Variants in MAML2 observed in about 807,000 individuals in gnomAD.
MAML2 encodes mastermind-like protein 2.
In MAML2, 22 loss-of-function variants were observed where a neutral mutation model predicts 96.1. The ratio of observed to expected loss-of-function variants is 0.23; its 90% CI spans 0.16 to 0.33. The LOEUF (loss-of-function observed/expected upper bound fraction) is 0.33, where lower values mean the gene tolerates loss of function less well. Ranked by LOEUF, MAML2 falls within the 10% of genes least tolerant of loss-of-function variation. The pLI, the probability that MAML2 is intolerant of heterozygous loss-of-function variation, is 1.00. For synonymous variants in MAML2, 561 were observed against 521.3 expected, an observed-to-expected ratio of 1.08 and a Z score of -1.04; for missense variants, 1,367 against 1,392.4, an observed-to-expected ratio of 0.98 and a Z score of 0.29.
At chr11:96,263,523 G>A (rs1028524409) in intron 1 of MAML2, among the ~76,000 whole-genome samples, 1 of 152,208 alleles carries the variant, frequency 6.6e-6, no homozygotes, top group Non-Finnish European at 1.5e-5. Context: ...GTCACACATA[G>A]CACCTTAAAA....
intron 1 of MAML2, among the ~76,000 whole-genome samples, chr11:96,253,127 G>T (rs947804934): frequency 5.3e-5 from 8 of 152,076 alleles, no homozygotes; most frequent in African/African-American, 1.9e-4. Context: ...GCTCAACAGA[G>T]GAAAGAGATT....
intron 1 of MAML2, among the ~76,000 whole-genome samples, chr11:96,185,187 G>A (rs1861554653): frequency 6.7e-6 from 1 of 148,278 alleles, no homozygotes; most frequent in Non-Finnish European, 1.5e-5. Context: ...ACAAAACTCA[G>A]GACAAAACTC....
intron 1 of MAML2, among the ~76,000 whole-genome samples, chr11:96,334,554 T>C (rs1387776437): frequency 1.3e-5 from 2 of 152,312 alleles, no homozygotes; most frequent in East Asian, 3.9e-4. Context: ...TTTGCCTCCT[T>C]ACACAAGCCA....
chr11:96,313,969 G>A (rs1393922811), intron 1 of MAML2, among the ~76,000 whole-genome samples: 3 of 152,220 alleles, frequency 2.0e-5, no homozygotes, highest in Admixed American at 6.5e-5. Flanking sequence ...TACATCCCGT[G>A]AAGTAGCTTG....
Position 96,043,827 on chromosome 11 carries a change from A to T in MAML2, c.2139+48065T>A, listed in dbSNP as rs929450622. 3.3e-5 allele frequency among the ~76,000 whole-genome samples: 5 copies of T among 152,364 alleles called. No homozygotes were observed. In the South Asian group the frequency reaches 6.2e-4, roughly 19 times the overall value. On this transcript the variant is annotated intron_variant, in intron 2 of 4. Coordinates refer to ENST00000524717, the MANE Select transcript of MAML2 (RefSeq NM_032427.4). ...TCAGTTGAAAGGATTAGAAAAACACACAGTAACTATCCTACTAAGAAGAAA... is the reference window on the plus strand; with the variant it reads ...TCAGTTGAAAGGATTAGAAAAACACTCAGTAACTATCCTACTAAGAAGAAA...
chr11:95,995,305 G>T (rs2135713018), intron 2 of MAML2, among the ~76,000 whole-genome samples: 2 of 152,228 alleles, frequency 1.3e-5, no homozygotes, highest in South Asian at 4.1e-4. Context: ...GATGGGTGGG[G>T]TATCATTCTC....
chr11:96,175,038 C>G (rs1380039488), intron 1 of MAML2, among the ~76,000 whole-genome samples: 1 of 152,174 alleles, frequency 6.6e-6, no homozygotes, highest in South Asian at 2.1e-4. Context: ...ACACAAGCAA[C>G]GTTAAGCAAA....
At chr11:96,206,926 A>G (rs1861903953) in intron 1 of MAML2, among the ~76,000 whole-genome samples, 1 of 152,224 alleles carries the variant, frequency 6.6e-6, no homozygotes. Context: ...AATAAAAAAC[A>G]AAAGTTATAT....
At chr11:96,193,184 T>G (rs1861680473) in intron 1 of MAML2, among the ~76,000 whole-genome samples, 1 of 152,148 alleles carries the variant, frequency 6.6e-6, no homozygotes, top group Non-Finnish European at 1.5e-5. Flanking sequence ...CTGACCAATA[T>G]GGTGAAACCC....
chr11:96,096,335 T>C (rs1427469303), intron 1 of MAML2, among the ~76,000 whole-genome samples: 1 of 152,206 alleles, frequency 6.6e-6, no homozygotes, highest in East Asian at 1.9e-4. Context: ...TAATGAGTCA[T>C]TTATTGAAGG....
chr11:96,039,761 A>G (rs1411923292), intron 2 of MAML2, among the ~76,000 whole-genome samples: 38 of 152,102 alleles, frequency 2.5e-4, no homozygotes, highest in Admixed American at 2.1e-3. Context: ...CCTGGCTAAC[A>G]TGGTGAAACC....
intron 2 of MAML2, among the ~76,000 whole-genome samples, chr11:96,044,534 C>A (rs1330055867): frequency 2.0e-5 from 3 of 152,108 alleles, no homozygotes; most frequent in African/African-American, 7.2e-5. Context: ...AACACAAATA[C>A]CCTAGGAGAA....
intron 2 of MAML2, among the ~76,000 whole-genome samples, chr11:96,040,204 T>C (rs777046274): frequency 1.3e-5 from 2 of 152,184 alleles, no homozygotes; most frequent in Non-Finnish European, 1.5e-5. Context: ...AATCCTGGCA[T>C]TCATAGAACT....
At position 96,231,765 on chromosome 11, in the gene MAML2, T is replaced by A. The variant is rs552706255; in HGVS notation, c.513+109618A>T. 2.6e-5 allele frequency among the ~76,000 whole-genome samples: 4 copies of A among 152,306 alleles called. No homozygotes were observed. The South Asian group carries it at 6.2e-4, about 24-fold the overall frequency. The stretch of plus-strand genomic sequence containing the variant: ...GCAGTCAAGGAAGCACTGTCCACTA[T>A]CCAAGCTCATCGTACAGAAGGACAC... On this transcript the variant is annotated intron_variant, in intron 1 of 4. Transcript: ENST00000524717.
intron 1 of MAML2, among the ~76,000 whole-genome samples, chr11:96,162,842 G>A (rs1482349534): frequency 5.3e-5 from 8 of 152,132 alleles, no homozygotes; most frequent in East Asian, 1.9e-4. Context: ...CCCTAGATGC[G>A]AAAAGCCTGG....
intron 1 of MAML2, among the ~76,000 whole-genome samples, chr11:96,095,253 G>A (rs1045623017): frequency 6.6e-6 from 1 of 152,158 alleles, no homozygotes; most frequent in Non-Finnish European, 1.5e-5. Flanking sequence ...AAAATGATGA[G>A]GAATATGGGA....
intron 2 of MAML2, among the ~76,000 whole-genome samples, chr11:95,997,186 T>G (rs1171884283): frequency 6.6e-6 from 1 of 152,188 alleles, no homozygotes; most frequent in Non-Finnish European, 1.5e-5. Flanking sequence ...AGAGTTTGGT[T>G]CTAACCTACA....
At chr11:96,202,930 AGAT>A (rs1441980938) in intron 1 of MAML2, among the ~76,000 whole-genome samples, 4 of 152,198 alleles carry the variant, frequency 2.6e-5, no homozygotes, top group Admixed American at 2.6e-4. Flanking sequence ...GTCTAGCCTC[AGAT>A]GATATTTTTT....
chr11:96,155,427 T>G (rs1025364749), intron 1 of MAML2, among the ~76,000 whole-genome samples: 1 of 149,008 alleles, frequency 6.7e-6, no homozygotes, highest in Admixed American at 6.8e-5. Context: ...TCAGGTTTTC[T>G]ATGATGAGAC....
Sources: gnomAD v4.1 joint callset for allele counts (sites outside exome capture counted in the v4.1 genomes callset) on GRCh38, gnomAD v4.1.1 for gene constraint, MANE v1.5 for transcripts, NCBI Gene and HGNC (gene_info 2026-07-23, HGNC 2026-07-21) for gene names.